COMMD1: variants seen among roughly 807,000 people sequenced by gnomAD.
The protein encoded by COMMD1 is COMM domain-containing protein 1.
A neutral mutation model predicts 17.2 loss-of-function variants in COMMD1; 10 were observed. The observed-to-expected ratio is 0.58, with a 90% CI of 0.36 to 0.99. The LOEUF (loss-of-function observed/expected upper bound fraction) is 0.99, where lower values mean the gene tolerates loss of function less well. Ranked by LOEUF, COMMD1 falls within the 50% of genes least tolerant of loss-of-function variation. The pLI is 0.01. For synonymous variants in COMMD1, 97 were observed against 91.6 expected (o/e 1.06, Z -0.34); for missense variants, 270 against 231.8 (o/e 1.17, Z -1.07).
intron 2 of COMMD1, among the ~76,000 whole-genome samples, chr2:62,054,269 A>G (rs1307538961): frequency 6.6e-6 from 1 of 152,204 alleles, no homozygotes; most frequent in Non-Finnish European, 1.5e-5. Context: ...CTTGGAGATA[A>G]TGCCAAGATA....
chr2:61,986,154 G>GT (rs78425197), intron 1 of COMMD1, among the ~76,000 whole-genome samples: 356 of 144,618 alleles, frequency 2.5e-3, no homozygotes, highest in Middle Eastern at 7.1e-3. Flanking sequence ...CTGGTATAAA[G>GT]TTTTTTTTTT....
At chr2:61,964,004 CTCT>C (rs1313933773) in intron 1 of COMMD1, among the ~76,000 whole-genome samples, 5 of 152,158 alleles carry the variant, frequency 3.3e-5, no homozygotes, top group Non-Finnish European at 7.3e-5. Context: ...GATTTTCAAC[CTCT>C]TCTTCGGTTT....
At chr2:62,073,758 G>GTGC (rs982719621) in intron 2 of COMMD1, among the ~76,000 whole-genome samples, 29 of 152,294 alleles carry the variant, frequency 1.9e-4, no homozygotes, top group African/African-American at 6.7e-4. Flanking sequence ...GAGTGCAGTG[G>GTGC]TGCGATCTCG....
chr2:61,942,434 CAG>C (rs754635132), intron 1 of COMMD1, among the ~76,000 whole-genome samples: 3 of 147,174 alleles, frequency 2.0e-5, no homozygotes, highest in Non-Finnish European at 1.5e-5. Context: ...ATTTTTGAGA[CAG>C]AGTCTTTCTC....
chr2:62,014,704 G>A (rs533041649), intron 2 of COMMD1, among the ~76,000 whole-genome samples: 6 of 151,338 alleles, frequency 4.0e-5, no homozygotes, highest in Non-Finnish European at 5.9e-5. Context: ...TGGGACTACA[G>A]GTGTGCACCA....
chr2:62,105,526 T>C (rs2104030660), intron 2 of COMMD1, among the ~76,000 whole-genome samples: 1 of 152,288 alleles, frequency 6.6e-6, no homozygotes, highest in South Asian at 2.1e-4. Flanking sequence ...ATTGCCACTT[T>C]TAAATGACCA....
chr2:61,905,661 G>A (rs747299142), upstream of COMMD1: 3 of 1,532,096 alleles, frequency 2.0e-6, no homozygotes, highest in African/African-American at 4.1e-5. Context: ...CTGTTGCGGG[G>A]CGGGGCCTTC....
At chr2:61,904,480 C>T (rs566904301), upstream of COMMD1, among the ~76,000 whole-genome samples, 1 of 152,218 alleles carries the variant, frequency 6.6e-6, no homozygotes, top group East Asian at 1.9e-4. Context: ...AAGCAACTGC[C>T]CTCCCTCTGG....
intron 2 of COMMD1, among the ~76,000 whole-genome samples, chr2:62,115,080 T>A (rs1369253286): frequency 1.3e-5 from 2 of 152,236 alleles, no homozygotes; most frequent in African/African-American, 4.8e-5. Flanking sequence ...ACCAAAAAAC[T>A]GTGAAGTTGC....
intron 1 of COMMD1, among the ~76,000 whole-genome samples, chr2:61,921,722 C>T (rs970433731): frequency 1.3e-5 from 2 of 152,162 alleles, no homozygotes; most frequent in Non-Finnish European, 2.9e-5. Flanking sequence ...GGATTACAGG[C>T]GTGAGCCACC....
intron 2 of COMMD1, among the ~76,000 whole-genome samples, chr2:62,053,132 T>C (rs529074981): frequency 6.6e-6 from 1 of 152,118 alleles, no homozygotes; most frequent in Non-Finnish European, 1.5e-5. Context: ...CTGATGCCTA[T>C]CTCACCCTTT....
intron 1 of COMMD1, among the ~76,000 whole-genome samples, chr2:61,999,930 C>CT (rs113297946): frequency 7.2e-4 from 101 of 140,114 alleles, no homozygotes; most frequent in Admixed American, 9.2e-4. Context: ...CCCCCACCCA[C>CT]TTTTTTTTTT....
intron 1 of COMMD1, among the ~76,000 whole-genome samples, chr2:61,951,863 A>C (rs779723143): frequency 1.3e-5 from 2 of 152,210 alleles, no homozygotes; most frequent in African/African-American, 4.8e-5. Flanking sequence ...TACATATTCT[A>C]GAGTTTTATA....
intron 1 of COMMD1, among the ~76,000 whole-genome samples, chr2:61,900,458 G>C (rs1287715236): frequency 6.6e-6 from 1 of 152,244 alleles, no homozygotes; most frequent in Non-Finnish European, 1.5e-5. Context: ...CAGCAAGACT[G>C]ATGGCCTGCA....
intron 1 of COMMD1, among the ~76,000 whole-genome samples, chr2:61,935,591 T>A (rs577541670): frequency 6.6e-6 from 1 of 151,838 alleles, no homozygotes; most frequent in East Asian, 1.9e-4. Context: ...GAGATCACAC[T>A]GCTACACTTC....
At chr2:61,972,498 A>G in intron 1 of COMMD1, among the ~76,000 whole-genome samples, 1 of 152,150 alleles carries the variant, frequency 6.6e-6, no homozygotes. Flanking sequence ...AAGGGGAAAA[A>G]AGCAATTTTA....
upstream of COMMD1, among the ~76,000 whole-genome samples, chr2:61,905,342 C>G (rs1187846460): frequency 6.6e-6 from 1 of 152,180 alleles, no homozygotes; most frequent in East Asian, 1.9e-4. Context: ...TGAGATACAG[C>G]CATCTAAAAA....
chr2:62,132,650 G>C (rs1005182986), intron 2 of COMMD1, among the ~76,000 whole-genome samples: 8 of 152,020 alleles, frequency 5.3e-5, no homozygotes, highest in African/African-American at 1.7e-4. Flanking sequence ...TTCGAGACCA[G>C]CCTGGCCAAC....
At chr2:61,916,796 T>C (rs2105186815) in intron 1 of COMMD1, among the ~76,000 whole-genome samples, 1 of 152,272 alleles carries the variant, frequency 6.6e-6, no homozygotes, top group East Asian at 1.9e-4. Flanking sequence ...GAATGTAGTA[T>C]TAGGAATTTA....
Sources: gnomAD v4.1 joint callset for allele counts (sites outside exome capture counted in the v4.1 genomes callset) on GRCh38, gnomAD v4.1.1 for gene constraint, MANE v1.5 for transcripts, NCBI Gene and HGNC (gene_info 2026-07-23, HGNC 2026-07-21) for gene names.